NCOR1: variants seen among roughly 807,000 people sequenced by gnomAD.
The protein encoded by NCOR1 is protein phosphatase 1, regulatory subunit 109.
A neutral mutation model predicts 288.1 loss-of-function variants in NCOR1; 63 were observed. That is an observed-to-expected ratio of 0.22 (90% CI 0.18 to 0.27). NCOR1 has a LOEUF of 0.27. NCOR1 is among the 10% of genes least tolerant of loss of function. The probability of loss-of-function intolerance (pLI) is 1.00; values close to 1 mark genes in which losing one functional copy is unlikely to be tolerated. For missense variants in NCOR1, 2,397 were observed against 3,019.2 expected (o/e 0.79, Z 4.83); for synonymous variants, 1,007 against 1,065.9 (o/e 0.94, Z 1.08).
intron 2 of NCOR1, among the ~76,000 whole-genome samples, chr17:16,187,040 G>A (rs1022482431): frequency 3.3e-5 from 5 of 152,076 alleles, no homozygotes; most frequent in Admixed American, 2.0e-4. Flanking sequence ...TGAGTAAGCT[G>A]GAAGAAGGGT....
chr17:16,212,471 C>A (rs2153627124), intron 1 of NCOR1, among the ~76,000 whole-genome samples: 1 of 152,132 alleles, frequency 6.6e-6, no homozygotes, highest in Middle Eastern at 3.4e-3. Context: ...ACAATAAATT[C>A]TGATCAATCT....
At chr17:16,206,888 AGTG>A (rs1356128382) in intron 1 of NCOR1, among the ~76,000 whole-genome samples, 1 of 152,216 alleles carries the variant, frequency 6.6e-6, no homozygotes, top group Non-Finnish European at 1.5e-5. Flanking sequence ...ACATCCAAGA[AGTG>A]GTTCTTTCAA....
At chr17:16,121,350 T>A in intron 15 of NCOR1, 81 bp from the exon 16 acceptor site, 3 of 1,149,204 alleles carry the variant, frequency 2.6e-6, no homozygotes, top group Non-Finnish European at 3.6e-6. Context: ...GAATATTATC[T>A]AAATAGAAAT....
At position 16,060,666 on chromosome 17, in the gene NCOR1, A is replaced by AT. The variant is rs970412346; in HGVS notation, c.5881+734dup. On this transcript the variant is annotated intron_variant, in intron 37 of 45. Transcript: ENST00000268712. Reference sequence around the variant, plus strand: ...ATTGCATTCTGGAGCATGAGAAATCATTTTTTTTTTCATGATGTCTAACTC... The same window carrying AT: ...ATTGCATTCTGGAGCATGAGAAATCATTTTTTTTTTTCATGATGTCTAACTC... 5.5e-4 allele frequency among the ~76,000 whole-genome samples: 82 copies of AT among 149,996 alleles called. 2 individuals carry two copies. The highest frequency in any genetic ancestry group is 9.3e-4 in the African/African-American group (38 of 40,910).
chr17:16,153,432 A>G (rs1838075012), intron 6 of NCOR1, 37 bp from the exon 7 acceptor site: 1 of 1,352,458 alleles, frequency 7.4e-7, no homozygotes. Flanking sequence ...TATAATTAAA[A>G]ATTACATTAT....
At chr17:16,077,635 A>G (rs1300230278) in intron 26 of NCOR1, among the ~76,000 whole-genome samples, 1 of 150,486 alleles carries the variant, frequency 6.6e-6, no homozygotes, top group African/African-American at 2.4e-5. Context: ...GAGGAAGGGA[A>G]AAGAAAAGAG....
chr17:16,170,973 G>C (rs7225813), intron 4 of NCOR1, among the ~76,000 whole-genome samples: 7,517 of 151,970 alleles, frequency 0.049, 221 homozygotes, highest in African/African-American at 0.093. Context: ...CGCATTGTTT[G>C]AAATGTCACA....
intron 3 of NCOR1, among the ~76,000 whole-genome samples, chr17:16,180,550 A>C (rs1291746565): frequency 6.6e-6 from 1 of 152,042 alleles, no homozygotes; most frequent in Non-Finnish European, 1.5e-5. Context: ...CAGGAGTTGG[A>C]GACCAGCCTG....
chr17:16,134,426 C>A (rs1369332384), intron 14 of NCOR1, among the ~76,000 whole-genome samples: 1 of 152,192 alleles, frequency 6.6e-6, no homozygotes, highest in Non-Finnish European at 1.5e-5. Context: ...AAAACTGAGC[C>A]TACCTGGGGG....
intron 15 of NCOR1, among the ~76,000 whole-genome samples, chr17:16,124,298 G>C (rs760725631): frequency 2.2e-4 from 33 of 152,012 alleles, no homozygotes; most frequent in Non-Finnish European, 4.4e-4. Context: ...AGGCATTCAT[G>C]CTAAGTAAAA....
chr17:16,053,021 CT>C (rs1179627449), intron 40 of NCOR1, among the ~76,000 whole-genome samples: 6 of 152,138 alleles, frequency 3.9e-5, no homozygotes, highest in African/African-American at 1.4e-4. Flanking sequence ...TCTCAGTAAA[CT>C]AGATATTGAA....
At chr17:16,082,630 G>A (rs2063570235) in intron 23 of NCOR1, among the ~76,000 whole-genome samples, 1 of 151,920 alleles carries the variant, frequency 6.6e-6, no homozygotes, top group South Asian at 2.1e-4. Flanking sequence ...GCTGAGGCAG[G>A]ATTGACTGAG....
At chr17:16,124,968 A>G (rs2073746860) in intron 15 of NCOR1, among the ~76,000 whole-genome samples, 1 of 152,276 alleles carries the variant, frequency 6.6e-6, no homozygotes, top group Non-Finnish European at 1.5e-5. Flanking sequence ...AAAAGTAATA[A>G]TAACTCATGA....
At chr17:16,155,383 A>C (rs1054452560) in intron 6 of NCOR1, among the ~76,000 whole-genome samples, 2 of 151,358 alleles carry the variant, frequency 1.3e-5, no homozygotes, top group African/African-American at 2.4e-5. Flanking sequence ...ACACACACAC[A>C]CACACACACC....
chr17:16,188,823 G>A (rs1326997221), intron 2 of NCOR1, among the ~76,000 whole-genome samples: 4 of 151,310 alleles, frequency 2.6e-5, no homozygotes, highest in African/African-American at 9.7e-5. Flanking sequence ...TCAGGATTTC[G>A]AGACCAGCCT....
intron 9 of NCOR1, among the ~76,000 whole-genome samples, chr17:16,147,041 A>G (rs1054298789): frequency 1.3e-5 from 2 of 152,358 alleles, no homozygotes; most frequent in South Asian, 2.1e-4. Context: ...ATTTTTTGCT[A>G]TAATAAATAA....
chr17:16,201,341 G>C (rs1600487128), intron 1 of NCOR1, among the ~76,000 whole-genome samples: 1 of 152,232 alleles, frequency 6.6e-6, no homozygotes, highest in African/African-American at 2.4e-5. Context: ...GCTCACGCCT[G>C]TAATCCCAGC....
chr17:16,172,131 G>A, intron 3 of NCOR1, 136 bp from the exon 4 acceptor site: 1 of 620,530 alleles, frequency 1.6e-6, no homozygotes, highest in Non-Finnish European at 2.7e-6. Flanking sequence ...TACCCCTTCT[G>A]TTCCCACCCC....
In NCOR1 at chr17:16,101,288, G is replaced by A. The variant is rs764199874; in HGVS notation, c.2652C>T (p.Ser884=). The stretch of plus-strand genomic sequence containing the variant: ...GCTCTCCATCCACATCCTCATCAGC[G>A]CTGCACGTGGCACTGGAATCATTGT... The part of the protein sequence containing the change: ...QSDNDSSATC[S]ADEDVDGEPE... Residue 884 remains serine (S), a synonymous_variant, in exon 20 of 46, where the codon AGC becomes AGT. Coordinates refer to ENST00000268712, the MANE Select transcript of NCOR1 (RefSeq NM_006311.4). The A allele has an allele frequency of 1.9e-5, 31 of 1,611,452 alleles. No homozygotes were observed. The highest frequency in any genetic ancestry group is 6.6e-5 in the South Asian group (6 of 90,574).
Sources: allele counts gnomAD v4.1 joint callset (sites outside exome capture counted in the v4.1 genomes callset), GRCh38; gene constraint gnomAD v4.1.1; transcripts MANE v1.5; gene names NCBI Gene and HGNC (gene_info 2026-07-23, HGNC 2026-07-21).